The following NCKAP5 variants were observed in gnomAD, a reference collection of about 807,000 sequenced individuals.
NCKAP5 encodes the protein nck-associated protein 5.
In NCKAP5, 92 loss-of-function variants were observed where a neutral mutation model predicts 167.0. That is an observed-to-expected ratio of 0.55 (90% CI 0.47 to 0.66). The LOEUF is 0.66. Ranked by LOEUF, NCKAP5 falls within the 30% of genes least tolerant of loss-of-function variation. The pLI is 0.00. For synonymous variants in NCKAP5, 891 were observed against 877.4 expected (o/e 1.02, Z -0.27); for missense variants, 2,378 against 2,315.0 (o/e 1.03, Z -0.56).
rs570295870 is a variant in NCKAP5 at position 133,524,715 on chromosome 2, T to C, written c.-61-7128A>G. On this transcript the variant is annotated intron_variant, in intron 2 of 19. Coordinates refer to ENST00000409261, the MANE Select transcript of NCKAP5 (RefSeq NM_207363.3). ...AGTCCTCTTTGTATTGAAATCTTTT[T>C]ATTCTGATTTATTAAGTCCATAGAA... Among the ~76,000 whole-genome samples, 7 of 152,328 alleles carry C rather than the reference T, an allele frequency of 4.6e-5. No homozygotes were observed. The South Asian group carries it at 1.0e-3, about 23-fold the overall frequency.
intron 5 of NCKAP5, among the ~76,000 whole-genome samples, chr2:133,146,283 G>A (rs970383294): frequency 6.6e-6 from 1 of 151,488 alleles, no homozygotes; most frequent in Non-Finnish European, 1.5e-5. Flanking sequence ...TGGGAGGGAA[G>A]CAACATCTAG....
intron 3 of NCKAP5, among the ~76,000 whole-genome samples, chr2:133,432,316 C>G (rs1690211500): frequency 6.6e-6 from 1 of 152,156 alleles, no homozygotes; most frequent in African/African-American, 2.4e-5. Context: ...AAACAAATAC[C>G]TGAGAAAAGC....
chr2:133,588,741 G>A, the NCKAP5 span, among the ~76,000 whole-genome samples: 3,349 of 152,280 alleles, frequency 0.022, 121 homozygotes, highest in African/African-American at 0.076. Flanking sequence ...GAGAGGTAGG[G>A]ATACAGGTGA....
At chr2:133,564,856 T>C (rs1301820395) in intron 1 of NCKAP5, among the ~76,000 whole-genome samples, 1 of 152,138 alleles carries the variant, frequency 6.6e-6, no homozygotes, top group African/African-American at 2.4e-5. Context: ...AGGCATTCAG[T>C]GAGCAGTATT....
Position 132,782,929 on chromosome 2 carries a change from T to C in NCKAP5, c.3882A>G (p.Ser1294=). 5.6e-6 allele frequency: 9 copies of C among 1,614,010 alleles called. No individual in the cohort carries two copies. The highest frequency in any genetic ancestry group is 2.2e-5 in the East Asian group (1 of 44,880). The change falls in exon 14 of 20, where the codon TCA becomes TCG. Residue 1294 remains serine, a synonymous_variant. Transcript: ENST00000409261. The part of the protein sequence containing the change: ...DKPSTPPIEG[S]GKVRTQIITN... ...TAATGATCTGAGTGCGGACTTTGCC[T>C]GACCCTTCGATGGGGGGCGTAGAAG...
chr2:132,749,745 G>GA (rs200931819), intron 16 of NCKAP5, among the ~76,000 whole-genome samples: 5 of 151,346 alleles, frequency 3.3e-5, no homozygotes, highest in African/African-American at 7.3e-5. Context: ...ATACATGGGG[G>GA]AAAAAAAACC....
intron 3 of NCKAP5, among the ~76,000 whole-genome samples, chr2:133,308,300 G>T (rs988573651): frequency 1.3e-5 from 2 of 151,924 alleles, no homozygotes; most frequent in African/African-American, 4.8e-5. Context: ...ATTTTAGCCG[G>T]GATGGTCTCG....
At chr2:133,224,082 C>G (rs2086776976) in intron 4 of NCKAP5, among the ~76,000 whole-genome samples, 1 of 152,166 alleles carries the variant, frequency 6.6e-6, no homozygotes, top group Non-Finnish European at 1.5e-5. Flanking sequence ...AAACGTAGCC[C>G]TCTACATCCT....
chr2:133,475,594 C>T (rs752216075), intron 3 of NCKAP5, among the ~76,000 whole-genome samples: 2 of 152,066 alleles, frequency 1.3e-5, no homozygotes, highest in South Asian at 2.1e-4. Context: ...AAATAGCAGG[C>T]GATATCTTAT....
chr2:133,208,363 T>A (rs748417230), intron 5 of NCKAP5, among the ~76,000 whole-genome samples: 12 of 152,132 alleles, frequency 7.9e-5, no homozygotes, highest in Non-Finnish European at 1.8e-4. Flanking sequence ...TGACAAGTCA[T>A]GTTGATAATA....
intron 8 of NCKAP5, among the ~76,000 whole-genome samples, chr2:132,903,219 T>C (rs2148919223): frequency 6.6e-6 from 1 of 152,326 alleles, no homozygotes; most frequent in East Asian, 1.9e-4. Context: ...CTAACATTAA[T>C]TTAAACCAAA....
chr2:133,089,925 A>C (rs1391535291), intron 6 of NCKAP5, among the ~76,000 whole-genome samples: 1 of 152,196 alleles, frequency 6.6e-6, no homozygotes, highest in Admixed American at 6.5e-5. Flanking sequence ...AGAGGAGCCA[A>C]AATCTCATAC....
chr2:133,547,158 C>A (rs570455618), intron 2 of NCKAP5, among the ~76,000 whole-genome samples: 1 of 152,192 alleles, frequency 6.6e-6, no homozygotes, highest in Non-Finnish European at 1.5e-5. Context: ...CCGAATATTG[C>A]GCTATTCGGA....
Position 132,826,024 on chromosome 2 carries a change from C to T in NCKAP5, c.808-29295G>A, listed in dbSNP as rs111334349. Reference sequence around the variant, plus strand: ...GGAAGAACAGAAAGCCGTTGTTGCACGATGCTTTACTTCTGTGGAGTTTTC... The same window carrying T: ...GGAAGAACAGAAAGCCGTTGTTGCATGATGCTTTACTTCTGTGGAGTTTTC... On this transcript the variant is annotated intron_variant, in intron 11 of 19. Transcript: ENST00000409261. Among the ~76,000 whole-genome samples, 1,427 of 152,264 alleles carry T rather than the reference C, an allele frequency of 9.4e-3. 15 individuals are homozygous for T. The highest frequency in any genetic ancestry group is 0.033 in the African/African-American group (1,370 of 41,540).
intron 15 of NCKAP5, among the ~76,000 whole-genome samples, chr2:132,776,260 AT>A: frequency 6.6e-6 from 1 of 152,174 alleles, no homozygotes; most frequent in African/African-American, 2.4e-5. Flanking sequence ...AGTAGTAAAC[AT>A]TTTTCATGCA....
At chr2:132,855,987 AC>A (rs1689434283) in intron 11 of NCKAP5, among the ~76,000 whole-genome samples, 1 of 152,120 alleles carries the variant, frequency 6.6e-6, no homozygotes, top group African/African-American at 2.4e-5. Flanking sequence ...ACACAGTGAA[AC>A]CCCATCTCTA....
At chr2:133,249,259 G>T (rs112871836) in intron 4 of NCKAP5, among the ~76,000 whole-genome samples, 164 of 152,254 alleles carry the variant, frequency 1.1e-3, no homozygotes, top group African/African-American at 3.8e-3. Flanking sequence ...ATTAACAAAG[G>T]TCCTTGTGAA....
At chr2:133,058,201 T>C (rs1379092181) in intron 6 of NCKAP5, among the ~76,000 whole-genome samples, 1 of 152,222 alleles carries the variant, frequency 6.6e-6, no homozygotes, top group Non-Finnish European at 1.5e-5. Context: ...GATGGAGATG[T>C]ACAAGGTGAT....
At chr2:133,639,883 A>G in the NCKAP5 span, among the ~76,000 whole-genome samples, 1 of 152,162 alleles carries the variant, frequency 6.6e-6, no homozygotes, top group South Asian at 2.1e-4. Flanking sequence ...GTAAAAATAA[A>G]TGCGGAATGT....
Sources: gnomAD v4.1 joint callset for allele counts (sites outside exome capture counted in the v4.1 genomes callset) on GRCh38, gnomAD v4.1.1 for gene constraint, MANE v1.5 for transcripts, NCBI Gene and HGNC (gene_info 2026-07-23, HGNC 2026-07-21) for gene names.